Variants in CDHR1 observed in about 807,000 individuals in gnomAD.
CDHR1 encodes the protein cadherin-related family member 1.
CDHR1 carries 61 observed loss-of-function variants against 72.1 expected under a neutral mutation model. The ratio of observed to expected loss-of-function variants is 0.85; its 90% CI spans 0.69 to 1.05. The LOEUF is 1.05. Ranked by LOEUF, CDHR1 falls within the 50% of genes least tolerant of loss-of-function variation. CDHR1 has a pLI of 0.00. For synonymous variants in CDHR1, 470 were observed against 448.1 expected (o/e 1.05, Z -0.62); for missense variants, 1,186 against 1,115.7 (o/e 1.06, Z -0.90).
intron 10 of CDHR1, among the ~76,000 whole-genome samples, 155 bp downstream of exon 10, chr10:84,206,082 AC>A (rs1226770397): frequency 6.6e-6 from 1 of 152,124 alleles, no homozygotes; most frequent in Non-Finnish European, 1.5e-5. Context: ...GAATTCACAA[AC>A]AGGGAGTCAC....
At chr10:84,210,498 C>G (rs1842309441) in intron 12 of CDHR1, among the ~76,000 whole-genome samples, 1 of 152,136 alleles carries the variant, frequency 6.6e-6, no homozygotes, top group Non-Finnish European at 1.5e-5. Context: ...AACTCCCGAC[C>G]TCAGGTGATC....
intron 14 of CDHR1, 100 bp from the exon 15 acceptor site, chr10:84,212,079 C>T: frequency 9.5e-7 from 1 of 1,050,140 alleles, no homozygotes; most frequent in South Asian, 1.3e-5. Flanking sequence ...CATGACACCT[C>T]ACTCCTGCTT....
chr10:84,219,461 C>CAAAAGAAGCTTGG, downstream of CDHR1: 1 of 982,620 alleles, frequency 1.0e-6, no homozygotes, highest in Non-Finnish European at 1.4e-6. Flanking sequence ...CACCACCAAG[C>CAAAAGAAGCTTGG]TTCTTTTGCT....
rs1564666315 is a variant in CDHR1 at position 84,214,216 on chromosome 10, G to A, written c.2175G>A (p.Trp725Ter). The A allele has an allele frequency of 3.7e-6, 6 of 1,614,132 alleles. No individual in the cohort carries two copies. Among genetic ancestry groups the A allele is most frequent in the Non-Finnish European group, 5.1e-6 (6 of 1,180,042 alleles). Residue 725 changes from tryptophan (W) to a stop codon, truncating the protein, a stop_gained, in exon 17 of 17, where the codon TGG becomes TGA. Transcript: ENST00000623527. LOFTEE classifies it low-confidence loss of function (END_TRUNC). ...ITVLISTATF[W>*]RNKKSNKVLP... ...TCCTCATCTCCACCGCCACCTTCTGGCGCAACAAGAAGTCTAACAAGGTCC... is the reference window on the plus strand; with the variant it reads ...TCCTCATCTCCACCGCCACCTTCTGACGCAACAAGAAGTCTAACAAGGTCC...
At chr10:84,200,236 T>C (rs1190876981) in intron 5 of CDHR1, among the ~76,000 whole-genome samples, 1 of 152,210 alleles carries the variant, frequency 6.6e-6, no homozygotes, top group Non-Finnish European at 1.5e-5. Context: ...CTCTAAAATG[T>C]AGGTATATGG....
At position 84,217,828 on chromosome 10, in the gene CDHR1, G is replaced by A. The variant is rs890385958; in HGVS notation, c.*3207G>A. ...GCAGATGCCACAGCATCTGTGGCCT[G>A]TGTAGCCGGCAGCCTGCATTTGGGC... On this transcript the variant is annotated 3_prime_UTR_variant, in exon 17 of 17. Transcript: ENST00000623527. 1.0e-6 allele frequency: 1 copy of A among 985,348 alleles called. No individual in the cohort carries two copies. Among genetic ancestry groups the A allele is most frequent in the African/African-American group, 1.7e-5 (1 of 57,234 alleles). The allele number at this position is 985,348 out of a possible 1,614,324, so 61.0% of individuals were successfully genotyped here.
At position 84,211,726 on chromosome 10, in the gene CDHR1, C is replaced by T; in HGVS notation, c.1553+11C>T. The T allele has an allele frequency of 6.2e-7, 1 of 1,610,928 alleles. No homozygotes were observed. Among genetic ancestry groups the T allele is most frequent in the Non-Finnish European group, 8.5e-7 (1 of 1,177,130 alleles). ...GACTGGGGCAGACCTGTAAGTAGATCCAGAATCCAGGACAGGGCCTTGGGC... is the reference window on the plus strand; with the variant it reads ...GACTGGGGCAGACCTGTAAGTAGATTCAGAATCCAGGACAGGGCCTTGGGC... On this transcript the variant is annotated intron_variant, in intron 14 of 16. Coordinates refer to ENST00000623527, the MANE Select transcript of CDHR1 (RefSeq NM_033100.4).
At position 84,195,498 on chromosome 10, in the gene CDHR1, G is replaced by T; in HGVS notation, c.60G>T (p.Gln20His). 1 of 1,613,926 alleles carries T rather than the reference G, an allele frequency of 6.2e-7. No homozygotes were observed. The highest frequency in any genetic ancestry group is 1.1e-5 in the South Asian group (1 of 91,022). Residue 20 changes from glutamine (Q) to histidine (H), a missense_variant, in exon 2 of 17, where the codon CAG becomes CAT. Gln to His is a conservative substitution (Grantham distance 24, BLOSUM62 0). Transcript: ENST00000623527. ...TGTTCTGTGTTCTTTTTCCAGCTCA[G>T]GCCAACTTCGCCCCGCACTTCTTCG... The part of the protein sequence containing the change: ...ALGLLRLCLA[Q>H]ANFAPHFFDN...
Position 84,217,109 on chromosome 10 carries a change from G to A in CDHR1, c.*2488G>A, listed in dbSNP as rs373727523. On this transcript the variant is annotated 3_prime_UTR_variant, in exon 17 of 17. Transcript: ENST00000623527. ...AGGAGGAGGGTGCAGCCAAACTTAA[G>A]GCACCGGCAAGTGTTGTCAGCACTG... The A allele has an allele frequency of 2.0e-6, 2 of 985,528 alleles. No homozygotes were observed. Among genetic ancestry groups the A allele is most frequent in the Admixed American group, 6.1e-5 (1 of 16,278 alleles). 61.0% of individuals were successfully genotyped at this position (985,528 alleles called of 1,614,324 possible).
At chr10:84,205,603 G>A in intron 9 of CDHR1, 1 of 603,322 alleles carries the variant, frequency 1.7e-6, no homozygotes, top group Non-Finnish European at 3.0e-6. Flanking sequence ...ATGGAATGTG[G>A]GAGCTGGACA....
At chr10:84,202,067 C>A in intron 7 of CDHR1, 147 bp downstream of exon 7, 1 of 722,214 alleles carries the variant, frequency 1.4e-6, no homozygotes, top group Non-Finnish European at 2.5e-6. Flanking sequence ...CGGAATTTTT[C>A]CTGCCTGGAC....
rs1842324903 is a variant in CDHR1, at chr10:84,211,185, A to G, written c.1485+20A>G. 6.2e-7 allele frequency: 1 copy of G among 1,613,842 alleles called. No individual in the cohort carries two copies. Among genetic ancestry groups the G allele is most frequent in the Admixed American group, 1.7e-5 (1 of 60,002 alleles). On this transcript the variant is annotated intron_variant, in intron 13 of 16. Transcript: ENST00000623527. Reference sequence around the variant, plus strand: ...GTCACAGTGGGTTGGGCACTGGCCCAGGGACTGGGTGGGATAGGAGGCCTT... The same window carrying G: ...GTCACAGTGGGTTGGGCACTGGCCCGGGGACTGGGTGGGATAGGAGGCCTT...
intron 15 of CDHR1, 104 bp from the exon 16 acceptor site, chr10:84,212,987 C>T (rs912071597): frequency 7.1e-7 from 1 of 1,414,220 alleles, no homozygotes; most frequent in African/African-American, 1.4e-5. Flanking sequence ...GGATCAGGAC[C>T]ATTTCCCATC....
rs535521964 is a variant in CDHR1, at chr10:84,217,860, A to G, written c.*3239A>G. On this transcript the variant is annotated 3_prime_UTR_variant, in exon 17 of 17. Coordinates refer to ENST00000623527, the MANE Select transcript of CDHR1 (RefSeq NM_033100.4). ...CGGCAGCCTGCATTTGGGCGTTGAC[A>G]TTCCAGGGGAGTTAGGAACAATGAG... The G allele has an allele frequency of 1.1e-5, 11 of 985,466 alleles. No homozygotes were observed. The South Asian group carries it at 5.2e-4, about 46-fold the overall frequency. The allele number at this position is 985,466 out of a possible 1,614,324, so 61.0% of individuals were successfully genotyped here.
chr10:84,210,819 G>A (rs1322000103), intron 12 of CDHR1, among the ~76,000 whole-genome samples, 182 bp from the exon 13 acceptor site: 3 of 152,180 alleles, frequency 2.0e-5, no homozygotes, highest in African/African-American at 4.8e-5. Flanking sequence ...GCCAATTGAC[G>A]GGGTAGGGGA....
rs375749983 is a variant in CDHR1 at position 84,216,161 on chromosome 10, C to A, written c.*1540C>A. ...ACAGAGAGAGAAAAGTAGAACAGTT[C>A]TTTGCATTTGGCTCTACTTACTAAC... On this transcript the variant is annotated 3_prime_UTR_variant, in exon 17 of 17. Transcript: ENST00000623527. 2.0e-6 allele frequency: 2 copies of A among 985,450 alleles called. No individual in the cohort carries two copies. The highest frequency in any genetic ancestry group is 3.5e-5 in the African/African-American group (2 of 57,368). The allele number at this position is 985,450 out of a possible 1,614,324, so 61.0% of individuals were successfully genotyped here.
chr10:84,201,527 C>T (rs1842124888), intron 6 of CDHR1, among the ~76,000 whole-genome samples: 3 of 152,188 alleles, frequency 2.0e-5, no homozygotes, highest in Non-Finnish European at 2.9e-5. Flanking sequence ...GAGCTAAGCC[C>T]AAAGCTGAGC....
Position 84,215,072 on chromosome 10 carries a change from G to A in CDHR1, c.*451G>A, listed in dbSNP as rs1017271150. 3.8e-6 allele frequency: 4 copies of A among 1,062,734 alleles called. No homozygotes were observed. The highest frequency in any genetic ancestry group is 4.6e-6 in the Non-Finnish European group (4 of 876,302). The allele number at this position is 1,062,734 out of a possible 1,614,324, so 65.8% of individuals were successfully genotyped here. On this transcript the variant is annotated 3_prime_UTR_variant, in exon 17 of 17. Coordinates refer to ENST00000623527, the MANE Select transcript of CDHR1 (RefSeq NM_033100.4). The stretch of plus-strand genomic sequence containing the variant: ...ATCCTGACGCCTGCAGCTGAGAGCA[G>A]GAGCAGGAAAAGGAGGCTCAGCACT...
chr10:84,216,638 C>T lies in CDHR1; in HGVS notation c.*2017C>T, dbSNP rs74619906. ...CTCCTGGCTGCTTCAGCAGGTGGAT[C>T]CATTCTTCGACCCCCAGATGTGACT... On this transcript the variant is annotated 3_prime_UTR_variant, in exon 17 of 17. Coordinates refer to ENST00000623527, the MANE Select transcript of CDHR1 (RefSeq NM_033100.4). 2,924 of 985,468 alleles carry T rather than the reference C, an allele frequency of 3.0e-3. 69 individuals carry two copies. The African/African-American group carries it at 0.047, about 16-fold the overall frequency. 61.0% of individuals were successfully genotyped at this position (985,468 alleles called of 1,614,324 possible). A position where few individuals can be genotyped will look rare whatever the true frequency, so the allele number is the denominator to read the frequency against.
Sources: allele counts gnomAD v4.1 joint callset (sites outside exome capture counted in the v4.1 genomes callset), GRCh38; gene constraint gnomAD v4.1.1; transcripts MANE v1.5; gene names NCBI Gene and HGNC (gene_info 2026-07-23, HGNC 2026-07-21).